Variants in NTRK2 observed in about 807,000 individuals in gnomAD.
The protein encoded by NTRK2 is BDNF/NT-3 growth factors receptor.
A neutral mutation model predicts 94.5 loss-of-function variants in NTRK2; 13 were observed. The observed-to-expected ratio is 0.14, with a 90% CI of 0.09 to 0.22. The LOEUF is 0.22. Among genes scored for constraint, NTRK2 ranks in the 10% least tolerant of loss-of-function variants. NTRK2 has a pLI of 1.00. For missense variants in NTRK2, 639 were observed against 1,071.2 expected, an observed-to-expected ratio of 0.60 and a Z score of 5.63; for synonymous variants, 372 against 407.4, an observed-to-expected ratio of 0.91 and a Z score of 1.05.
chr9:84,811,479 C>T, intron 12 of NTRK2: 1 of 1,065,640 alleles, frequency 9.4e-7, no homozygotes, highest in Non-Finnish European at 1.1e-6. Flanking sequence ...CTGCGATCCA[C>T]CTGCTTTTTA....
chr9:84,802,883 C>A (rs144432812), intron 12 of NTRK2, among the ~76,000 whole-genome samples: 3 of 152,104 alleles, frequency 2.0e-5, no homozygotes, highest in African/African-American at 7.2e-5. Flanking sequence ...GTGCTCGTGA[C>A]GTGAATGAGT....
chr9:84,677,532 T>A (rs2059133718), intron 2 of NTRK2, among the ~76,000 whole-genome samples: 1 of 152,144 alleles, frequency 6.6e-6, no homozygotes, highest in African/African-American at 2.4e-5. Flanking sequence ...TTATTTAGGT[T>A]TACAGCCTCA....
chr9:85,002,420 CTT>C (rs1461669888), intron 17 of NTRK2, among the ~76,000 whole-genome samples: 1 of 152,170 alleles, frequency 6.6e-6, no homozygotes, highest in African/African-American at 2.4e-5. Context: ...GTGGGTGTCT[CTT>C]GGCGGCATTT....
chr9:84,824,857 G>A (rs2073082040), intron 12 of NTRK2, among the ~76,000 whole-genome samples: 1 of 152,082 alleles, frequency 6.6e-6, no homozygotes, highest in African/African-American at 2.4e-5. Context: ...TTAATTTGGA[G>A]ATACACCCTC....
At chr9:84,697,059 C>T (rs1024656123) in intron 2 of NTRK2, among the ~76,000 whole-genome samples, 3 of 152,112 alleles carry the variant, frequency 2.0e-5, no homozygotes, top group Non-Finnish European at 1.5e-5. Flanking sequence ...AGGTTGAGGG[C>T]CAGGGACCCT....
intron 12 of NTRK2, among the ~76,000 whole-genome samples, chr9:84,797,442 C>T (rs1425814044): frequency 6.9e-6 from 1 of 145,778 alleles, no homozygotes; most frequent in Non-Finnish European, 1.5e-5. Flanking sequence ...AAGCTGAACA[C>T]AGTGACTGGA....
intron 14 of NTRK2, among the ~76,000 whole-genome samples, chr9:84,932,894 T>C (rs1289016164): frequency 2.0e-5 from 3 of 152,160 alleles, no homozygotes; most frequent in Non-Finnish European, 4.4e-5. Flanking sequence ...ATAAATTAAG[T>C]CTCTGCTCAT....
chr9:84,777,345 G>GA (rs1178091802), intron 12 of NTRK2, among the ~76,000 whole-genome samples: 4 of 152,310 alleles, frequency 2.6e-5, no homozygotes, highest in African/African-American at 9.6e-5. Context: ...GTAGTAGGAA[G>GA]AAAAGCAGAG....
intron 17 of NTRK2, among the ~76,000 whole-genome samples, chr9:84,976,163 C>T (rs765186386): frequency 1.3e-5 from 2 of 152,144 alleles, no homozygotes; most frequent in Non-Finnish European, 2.9e-5. Flanking sequence ...AGGCTTAAAC[C>T]ACAGAAATTT....
chr9:84,779,493 A>C (rs2067358699), intron 12 of NTRK2, among the ~76,000 whole-genome samples: 1 of 152,194 alleles, frequency 6.6e-6, no homozygotes, highest in East Asian at 1.9e-4. Context: ...TGAATCTTAA[A>C]AGAGGGCTTT....
At chr9:84,962,548 G>T (rs935873815) in intron 17 of NTRK2, among the ~76,000 whole-genome samples, 35 of 152,032 alleles carry the variant, frequency 2.3e-4, no homozygotes, top group African/African-American at 8.2e-4. Flanking sequence ...TACTTTATAC[G>T]TAGAAGTGCT....
intron 14 of NTRK2, chr9:84,877,443 T>A: frequency 9.4e-7 from 1 of 1,065,994 alleles, no homozygotes; most frequent in Non-Finnish European, 1.1e-6. Flanking sequence ...TGGATAGATG[T>A]TCCTCAAGGA....
intron 17 of NTRK2, among the ~76,000 whole-genome samples, chr9:84,969,352 A>G (rs1825928070): frequency 6.6e-6 from 1 of 152,250 alleles, no homozygotes; most frequent in South Asian, 2.1e-4. Flanking sequence ...GTGTTAAAGG[A>G]AAAGTTTTGT....
rs1033502125 is a variant in NTRK2 at position 85,021,572 on chromosome 9, G to A, written c.*135G>A. The A allele has an allele frequency of 8.1e-6, 7 of 860,458 alleles. No homozygotes were observed. Among genetic ancestry groups the A allele is most frequent in the South Asian group, 1.4e-5 (1 of 71,608 alleles). 53.3% of individuals were successfully genotyped at this position (860,458 alleles called of 1,614,324 possible). The stretch of plus-strand genomic sequence containing the variant: ...ACAGTATTAACATCAAAGACTCCGA[G>A]AAGCTCTCGAGGGAAGCAGTGTGTA... On this transcript the variant is annotated 3_prime_UTR_variant, in exon 19 of 19. Transcript: ENST00000277120.
Position 85,024,191 on chromosome 9 carries a change from C to T in NTRK2, c.*2754C>T. On this transcript the variant is annotated 3_prime_UTR_variant, in exon 19 of 19. Transcript: ENST00000277120. ...GAGACATCTCAAATTGAAAGAATAT[C>T]AGATTGCTTTTAAAGTAGCTGAACG... 4.3e-6 allele frequency: 1 copy of T among 232,118 alleles called. No individual in the cohort carries two copies. Among genetic ancestry groups the T allele is most frequent in the East Asian group, 6.1e-5 (1 of 16,374 alleles). The allele number at this position is 232,118 out of a possible 1,614,324, so 14.4% of individuals were successfully genotyped here.
intron 14 of NTRK2, among the ~76,000 whole-genome samples, chr9:84,880,402 A>G (rs536506831): frequency 3.9e-5 from 6 of 152,332 alleles, no homozygotes; most frequent in African/African-American, 1.4e-4. Flanking sequence ...CCTATGGGGA[A>G]CCAGCCTTGA....
rs75547378 is a variant in NTRK2, at chr9:84,869,460, A to C, written c.1633+2029A>C. 4.7e-3 allele frequency among the ~76,000 whole-genome samples: 709 copies of C among 152,344 alleles called. 13 individuals carry two copies. The highest frequency in any genetic ancestry group is 0.038 in the Admixed American group (576 of 15,282). ...TCATGATTTTAAGAACACTTAAAAT[A>C]ACAAATCTTCCATGAATCCTTTTTC... On this transcript the variant is annotated intron_variant, in intron 14 of 18. Transcript: ENST00000277120.
chr9:84,708,924 A>G (rs970024074), intron 5 of NTRK2, among the ~76,000 whole-genome samples: 1 of 152,224 alleles, frequency 6.6e-6, no homozygotes, highest in Non-Finnish European at 1.5e-5. Context: ...GATACATGAG[A>G]TAGGGTAAAG....
At chr9:84,990,029 C>A (rs369940361) in intron 17 of NTRK2, among the ~76,000 whole-genome samples, 3 of 152,196 alleles carry the variant, frequency 2.0e-5, no homozygotes, top group Admixed American at 6.5e-5. Context: ...TTGCCTTTCA[C>A]TCCTTGCTCA....
Sources: allele counts gnomAD v4.1 joint callset (sites outside exome capture counted in the v4.1 genomes callset), GRCh38; gene constraint gnomAD v4.1.1; transcripts MANE v1.5; gene names NCBI Gene and HGNC (gene_info 2026-07-23, HGNC 2026-07-21).